Variants in MGAT4C observed in about 807,000 individuals in gnomAD.
MGAT4C encodes alpha-1,3-mannosyl-glycoprotein 4-beta-N-acetylglucosaminyltransferase C.
MGAT4C carries 19 observed loss-of-function variants against 40.1 expected under a neutral mutation model. The ratio of observed to expected loss-of-function variants is 0.47; its 90% confidence interval spans 0.33 to 0.70. The LOEUF (loss-of-function observed/expected upper bound fraction) is 0.70, where lower values mean the gene tolerates loss of function less well. Among genes scored for constraint, MGAT4C ranks in the 30% least tolerant of loss-of-function variants. The pLI is 0.02. For missense variants in MGAT4C, 491 were observed against 563.2 expected (o/e 0.87, Z 1.30); for synonymous variants, 181 against 187.1 (o/e 0.97, Z 0.27).
intron 1 of MGAT4C, among the ~76,000 whole-genome samples, chr12:86,804,423 A>G (rs529064308): frequency 6.6e-5 from 10 of 151,424 alleles, no homozygotes; most frequent in Non-Finnish European, 8.9e-5. Context: ...TAATAAAAAA[A>G]TAAAAAAATA....
At chr12:86,661,596 G>A (rs1230749116) in intron 2 of MGAT4C, among the ~76,000 whole-genome samples, 1 of 152,064 alleles carries the variant, frequency 6.6e-6, no homozygotes, top group African/African-American at 2.4e-5. Flanking sequence ...GTAGTCCAAG[G>A]TGAGTTAATA....
intron 1 of MGAT4C, among the ~76,000 whole-genome samples, chr12:86,130,081 G>A (rs1247833767): frequency 6.6e-6 from 1 of 152,098 alleles, no homozygotes; most frequent in Non-Finnish European, 1.5e-5. Context: ...TATACTGATG[G>A]AATTATGTTC....
intron 2 of MGAT4C, among the ~76,000 whole-genome samples, chr12:86,518,049 A>G (rs1958727534): frequency 6.6e-6 from 1 of 152,208 alleles, no homozygotes; most frequent in Non-Finnish European, 1.5e-5. Context: ...AAAACATGCA[A>G]GCTTTCTTAT....
At chr12:86,787,760 T>C (rs1056823154) in intron 1 of MGAT4C, among the ~76,000 whole-genome samples, 1 of 152,096 alleles carries the variant, frequency 6.6e-6, no homozygotes, top group Non-Finnish European at 1.5e-5. Flanking sequence ...TTGTACATTG[T>C]TTTTCAGGAC....
chr12:86,084,348 G>A (rs1871357407), intron 1 of MGAT4C, among the ~76,000 whole-genome samples: 1 of 152,028 alleles, frequency 6.6e-6, no homozygotes, highest in Non-Finnish European at 1.5e-5. Flanking sequence ...TTGTACCAGA[G>A]TATTAAAAGA....
chr12:86,811,333 A>G (rs955536860), intron 1 of MGAT4C, among the ~76,000 whole-genome samples: 3 of 135,010 alleles, frequency 2.2e-5, no homozygotes, highest in Admixed American at 8.9e-5. Context: ...AGGCACTCAT[A>G]GTATTTTTTT....
chr12:86,466,082 G>A lies in MGAT4C; in HGVS notation c.-228-30817C>T, dbSNP rs373358853. Among the ~76,000 whole-genome samples the A allele has an allele frequency of 2.2e-4, 34 of 151,988 alleles. No individual in the cohort carries two copies. The East Asian group carries it at 3.1e-3, about 14-fold the overall frequency. ...AAATCAGCCAGGCGTGGTGGCAGGC[G>A]TCTGTAACCCCAGCTACTCGGGAAG... On this transcript the variant is annotated intron_variant, in intron 2 of 7. Transcript: ENST00000548651.
intron 4 of MGAT4C, among the ~76,000 whole-genome samples, chr12:86,313,471 TC>T (rs1321548006): frequency 2.6e-5 from 4 of 152,182 alleles, no homozygotes; most frequent in African/African-American, 9.6e-5. Flanking sequence ...AGTCAGTTGA[TC>T]AGTGAAGTCT....
chr12:86,347,131 G>C (rs1955053225), intron 3 of MGAT4C, among the ~76,000 whole-genome samples: 1 of 152,080 alleles, frequency 6.6e-6, no homozygotes, highest in Non-Finnish European at 1.5e-5. Flanking sequence ...GACGGCCTAT[G>C]GTGGGACTTT....
chr12:86,319,478 T>C (rs1260534116), intron 4 of MGAT4C, among the ~76,000 whole-genome samples: 1 of 152,150 alleles, frequency 6.6e-6, no homozygotes, highest in Non-Finnish European at 1.5e-5. Flanking sequence ...TACCTTACTA[T>C]ATTTATTGGG....
In MGAT4C at chr12:86,796,365, T is replaced by C. The variant is rs143166090; in HGVS notation, c.-262+42301A>G. Among the ~76,000 whole-genome samples the C allele has an allele frequency of 5.3e-3, 809 of 152,130 alleles. 3 individuals are homozygous for C. Among genetic ancestry groups the C allele is most frequent in the Non-Finnish European group, 9.1e-3 (619 of 67,926 alleles). On this transcript the variant is annotated intron_variant, in intron 1 of 7. Coordinates refer to the MGAT4C transcript ENST00000548651. ...ACATACAACATGCCCTTGCAGTGTT[T>C]GCCAAAGCAAGGTTCATATTCTAAA...
At chr12:86,366,793 C>T (rs1265293129) in intron 3 of MGAT4C, among the ~76,000 whole-genome samples, 1 of 152,042 alleles carries the variant, frequency 6.6e-6, no homozygotes, top group East Asian at 1.9e-4. Context: ...AGATAATTCA[C>T]TATTTGAAAA....
chr12:86,014,714 T>A (rs1225239378), intron 2 of MGAT4C, among the ~76,000 whole-genome samples: 1 of 152,124 alleles, frequency 6.6e-6, no homozygotes, highest in Non-Finnish European at 1.5e-5. Context: ...AGTATGTATT[T>A]TTCAGGGCCT....
At chr12:86,538,299 A>C (rs1235908574) in intron 2 of MGAT4C, among the ~76,000 whole-genome samples, 1 of 152,138 alleles carries the variant, frequency 6.6e-6, no homozygotes, top group African/African-American at 2.4e-5. Context: ...GAGAAACATA[A>C]GCATTTTGAG....
At chr12:86,009,402 G>C (rs1291465871) in intron 2 of MGAT4C, among the ~76,000 whole-genome samples, 1 of 152,078 alleles carries the variant, frequency 6.6e-6, no homozygotes, top group Non-Finnish European at 1.5e-5. Context: ...CCCTGCAGTT[G>C]TGTTTTCCAT....
At chr12:86,623,449 T>A (rs945634074) in intron 2 of MGAT4C, among the ~76,000 whole-genome samples, 25 of 152,262 alleles carry the variant, frequency 1.6e-4, no homozygotes, top group Admixed American at 1.3e-4. Context: ...CAGTTTTTTT[T>A]AAAATGTATC....
At position 86,498,862 on chromosome 12, in the gene MGAT4C, C is replaced by T. The variant is rs111354668; in HGVS notation, c.-228-63597G>A. 3.3e-3 allele frequency among the ~76,000 whole-genome samples: 501 copies of T among 151,654 alleles called. 2 individuals are homozygous for T. The highest frequency in any genetic ancestry group is 0.012 in the African/African-American group (484 of 41,392). On this transcript the variant is annotated intron_variant, in intron 2 of 7. Coordinates refer to the MGAT4C transcript ENST00000548651. ...GTAAACATCGAATAACATCATGGGA[C>T]GTATAAGAAATCACTAGTGATACTG...
intron 4 of MGAT4C, among the ~76,000 whole-genome samples, chr12:86,308,370 A>G (rs1953992322): frequency 6.6e-6 from 1 of 150,658 alleles, no homozygotes; most frequent in Non-Finnish European, 1.5e-5. Context: ...TTTTTATATC[A>G]GTTTCTTTAC....
At chr12:86,053,838 A>G (rs1279842999) in intron 1 of MGAT4C, among the ~76,000 whole-genome samples, 1 of 152,002 alleles carries the variant, frequency 6.6e-6, no homozygotes, top group Admixed American at 6.6e-5. Flanking sequence ...TATATACATA[A>G]AAAATGCTCA....
Sources: allele counts gnomAD v4.1 joint callset (sites outside exome capture counted in the v4.1 genomes callset), GRCh38; gene constraint gnomAD v4.1.1; transcripts MANE v1.5; gene names NCBI Gene and HGNC (gene_info 2026-07-23, HGNC 2026-07-21).